Variants in CDH18 observed in about 807,000 individuals in gnomAD.
CDH18 encodes the protein cadherin-18.
Under a neutral mutation model 67.9 loss-of-function variants are expected in CDH18, and 31 were observed. The ratio of observed to expected loss-of-function variants is 0.46; its 90% CI spans 0.34 to 0.62. CDH18 has a LOEUF of 0.62. Among genes scored for constraint, CDH18 ranks in the 20% least tolerant of loss-of-function variants. CDH18 has a pLI of 0.01. For missense variants in CDH18, 890 were observed against 975.5 expected (o/e 0.91, Z 1.17); for synonymous variants, 362 against 347.2 (o/e 1.04, Z -0.48).
intron 1 of CDH18, among the ~76,000 whole-genome samples, chr5:20,441,009 G>T (rs1749562158): frequency 6.6e-6 from 1 of 151,940 alleles, no homozygotes; most frequent in Non-Finnish European, 1.5e-5. Context: ...AATGAAGAAG[G>T]TAACAGATTG....
chr5:19,521,178 TCTAA>T (rs1313917723), intron 9 of CDH18, among the ~76,000 whole-genome samples: 1 of 152,054 alleles, frequency 6.6e-6, no homozygotes, highest in Non-Finnish European at 1.5e-5. Context: ...AATGTTCAAA[TCTAA>T]CTAAACTCAA....
At position 20,315,265 on chromosome 5, in the gene CDH18, TC is replaced by T. The variant is rs547106914; in HGVS notation, c.-579-59761del. ...CTGCTGGCTTTATTTCCAAACTCTA[TC>T]ATAAATCCATACAGTGCTACTCTTC... On this transcript the variant is annotated intron_variant, in intron 1 of 14. Transcript: ENST00000507958. Among the ~76,000 whole-genome samples the T allele has an allele frequency of 3.3e-3, 506 of 152,124 alleles. 4 individuals carry two copies. Among genetic ancestry groups the T allele is most frequent in the Admixed American group, 0.028 (430 of 15,264 alleles).
At chr5:20,477,227 G>A (rs1370188351) in intron 1 of CDH18, among the ~76,000 whole-genome samples, 4 of 152,098 alleles carry the variant, frequency 2.6e-5, no homozygotes, top group South Asian at 4.2e-4. Flanking sequence ...ACACACGAGG[G>A]AGAGAGAGCA....
At chr5:20,178,933 T>C (rs1382751368) in intron 2 of CDH18, among the ~76,000 whole-genome samples, 1 of 152,088 alleles carries the variant, frequency 6.6e-6, no homozygotes, top group Non-Finnish European at 1.5e-5. Flanking sequence ...GCATTAATTA[T>C]TACTTTCAAG....
intron 1 of CDH18, among the ~76,000 whole-genome samples, chr5:20,260,865 GCAAGGAACCAAATTCTT>G (rs1744598664): frequency 6.6e-6 from 1 of 152,182 alleles, no homozygotes; most frequent in Admixed American, 6.5e-5. Flanking sequence ...TTCTACAACT[GCAAGGAACCAAATTCTT>G]CCAATGAATT....
intron 4 of CDH18, among the ~76,000 whole-genome samples, chr5:19,740,005 A>G (rs1270301235): frequency 1.3e-5 from 2 of 152,208 alleles, no homozygotes; most frequent in Non-Finnish European, 2.9e-5. Flanking sequence ...GACATGAAGA[A>G]GATTAGAGAT....
chr5:20,194,612 A>T (rs1177160857), intron 2 of CDH18, among the ~76,000 whole-genome samples: 2 of 151,938 alleles, frequency 1.3e-5, no homozygotes, highest in Non-Finnish European at 2.9e-5. Flanking sequence ...ATATATGTAG[A>T]TTTTCCACTT....
intron 2 of CDH18, among the ~76,000 whole-genome samples, chr5:20,078,008 A>C (rs1270526845): frequency 6.6e-6 from 1 of 152,218 alleles, no homozygotes; most frequent in African/African-American, 2.4e-5. Flanking sequence ...TTCATTCTCT[A>C]TCATTCAGAC....
chr5:19,517,008 T>G (rs1370193808), intron 10 of CDH18, among the ~76,000 whole-genome samples: 1 of 152,042 alleles, frequency 6.6e-6, no homozygotes, highest in Non-Finnish European at 1.5e-5. Context: ...AAAAATGCAG[T>G]TCTGAATTTT....
intron 7 of CDH18, among the ~76,000 whole-genome samples, chr5:19,585,168 T>A (rs1743960301): frequency 6.6e-6 from 1 of 152,182 alleles, no homozygotes; most frequent in African/African-American, 2.4e-5. Flanking sequence ...ATTAAATTAA[T>A]TAAATATGTG....
intron 1 of CDH18, among the ~76,000 whole-genome samples, chr5:20,511,276 G>A (rs1432168583): frequency 6.6e-6 from 1 of 152,120 alleles, no homozygotes. Flanking sequence ...AGTATAGAAA[G>A]TACTAAGTAT....
chr5:19,591,206 C>T lies in CDH18; in HGVS notation c.850G>A (p.Gly284Ser). 1 of 1,612,058 alleles carries T rather than the reference C, an allele frequency of 6.2e-7. No individual in the cohort carries two copies. The highest frequency in any genetic ancestry group is 8.5e-7 in the Non-Finnish European group (1 of 1,178,894). The change falls in exon 7 of 13, where the codon GGT becomes AGT. Residue 284 changes from glycine (G) to serine (S), a missense_variant. Transcript: ENST00000382275. ...GCCTTGATTTTCCCAACAGCTGAAC[C>T]AACTTGAGCTGACTCAGGAACATAT... ...QLYVPESAQV[G>S]SAVGKIKAND... is the part of the protein sequence containing the mutation.
At chr5:19,772,477 A>G (rs1581273007) in intron 3 of CDH18, among the ~76,000 whole-genome samples, 1 of 152,136 alleles carries the variant, frequency 6.6e-6, no homozygotes, top group East Asian at 1.9e-4. Context: ...AATGGGTTAC[A>G]AGAGAAGGAA....
At chr5:19,863,035 G>A (rs1224884363) in intron 2 of CDH18, among the ~76,000 whole-genome samples, 2 of 151,802 alleles carry the variant, frequency 1.3e-5, no homozygotes, top group Non-Finnish European at 2.9e-5. Context: ...AAAAATGGGA[G>A]AACAGGGTAA....
At chr5:20,258,686 C>G (rs1009679056) in intron 1 of CDH18, among the ~76,000 whole-genome samples, 14 of 151,960 alleles carry the variant, frequency 9.2e-5, no homozygotes, top group Non-Finnish European at 1.3e-4. Flanking sequence ...CCAATTCTTA[C>G]AACATGGATG....
intron 2 of CDH18, among the ~76,000 whole-genome samples, chr5:20,035,056 C>G (rs1739731057): frequency 6.6e-6 from 1 of 151,938 alleles, no homozygotes; most frequent in Non-Finnish European, 1.5e-5. Context: ...TTCTTTTTTT[C>G]TGTCTCAGCA....
At chr5:19,479,778 A>C (rs1203108466) in intron 12 of CDH18, among the ~76,000 whole-genome samples, 1 of 152,192 alleles carries the variant, frequency 6.6e-6, no homozygotes, top group Non-Finnish European at 1.5e-5. Context: ...CAGAGGTCCC[A>C]GTCAGATCAC....
At chr5:20,142,342 G>A (rs1219610475) in intron 2 of CDH18, among the ~76,000 whole-genome samples, 2 of 152,104 alleles carry the variant, frequency 1.3e-5, no homozygotes, top group African/African-American at 4.8e-5. Context: ...AACTTTGGGA[G>A]GCTGAGGTGG....
chr5:19,800,890 G>A (rs1777389560), intron 3 of CDH18, among the ~76,000 whole-genome samples: 1 of 152,204 alleles, frequency 6.6e-6, no homozygotes, highest in Middle Eastern at 3.4e-3. Flanking sequence ...AGGCCGAGTC[G>A]GGCAGATTGC....
Sources: allele counts gnomAD v4.1 joint callset (sites outside exome capture counted in the v4.1 genomes callset), GRCh38; gene constraint gnomAD v4.1.1; transcripts MANE v1.5; gene names NCBI Gene and HGNC (gene_info 2026-07-23, HGNC 2026-07-21).